Variants in NCOR1 observed in about 807,000 individuals in gnomAD.
The protein encoded by NCOR1 is nuclear receptor corepressor 1, also known as protein phosphatase 1, regulatory subunit 109.
In NCOR1, 63 loss-of-function variants were observed where a neutral mutation model predicts 288.1. The observed-to-expected ratio is 0.22, with a 90% CI of 0.18 to 0.27. The LOEUF (loss-of-function observed/expected upper bound fraction) is 0.27. Among genes scored for constraint, NCOR1 ranks in the 10% least tolerant of loss-of-function variants. The probability of loss-of-function intolerance (pLI) is 1.00; values close to 1 mark genes in which losing one functional copy is unlikely to be tolerated. For missense variants in NCOR1, 2,397 were observed against 3,019.2 expected (o/e 0.79, Z 4.83); for synonymous variants, 1,007 against 1,065.9 (o/e 0.94, Z 1.08).
At chr17:16,074,904 G>A (rs2062222622) in intron 27 of NCOR1, among the ~76,000 whole-genome samples, 1 of 152,114 alleles carries the variant, frequency 6.6e-6, no homozygotes, top group South Asian at 2.1e-4. Context: ...CTCTCGCTCT[G>A]TCGCCCAGGC....
intron 15 of NCOR1, among the ~76,000 whole-genome samples, chr17:16,123,269 A>G (rs891857034): frequency 2.6e-5 from 4 of 152,046 alleles, no homozygotes; most frequent in African/African-American, 9.7e-5. Flanking sequence ...CCCTCTTCCC[A>G]TACTTCCTAC....
At chr17:16,213,847 C>T (rs2092348960) in intron 1 of NCOR1, among the ~76,000 whole-genome samples, 1 of 151,960 alleles carries the variant, frequency 6.6e-6, no homozygotes, top group African/African-American at 2.4e-5. Context: ...ATATTTTCTC[C>T]GGGGGAGTAG....
intron 4 of NCOR1, among the ~76,000 whole-genome samples, chr17:16,168,799 C>T (rs1444386828): frequency 6.6e-6 from 1 of 151,820 alleles, no homozygotes; most frequent in Non-Finnish European, 1.5e-5. Flanking sequence ...GGTGAAACCT[C>T]GTCTCCACTA....
rs1340264678 is a variant in NCOR1 at position 16,039,258 on chromosome 17, A to AT, written c.6955+174dup. Reference sequence around the variant, plus strand: ...TTTCTTCCATTTTATTTCTGTTCATATTATAATGTCTGGGTAGGTTTTCAA... The same window carrying AT: ...TTTCTTCCATTTTATTTCTGTTCATATTTATAATGTCTGGGTAGGTTTTCAA... On this transcript the variant is annotated intron_variant, in intron 44 of 45. Transcript: ENST00000268712. 10 of 621,280 alleles carry AT rather than the reference A, an allele frequency of 1.6e-5. No homozygotes were observed. In the East Asian group the frequency reaches 2.8e-4, roughly 18 times the overall value. The allele number at this position is 621,280 out of a possible 1,614,324, so 38.5% of individuals were successfully genotyped here.
rs762513108 is a variant in NCOR1, at chr17:16,061,484, A to G, written c.5798T>C (p.Ile1933Thr). The change falls in exon 37 of 46, where the codon ATA (isoleucine) becomes ACA (threonine). Residue 1933 changes from isoleucine (I) to threonine (T), a missense_variant. Physicochemically the swap from Ile to Thr is moderately conservative, Grantham distance 89 (BLOSUM62 -1). Transcript: ENST00000268712. ...GKTTITAANF[I>T]DVIITRQIAS... ...AATTTGCCGGGTGATGATCACGTCTATGAAGTTAGCTGCAGTAATGGTAGT... is the reference window on the plus strand; with the variant it reads ...AATTTGCCGGGTGATGATCACGTCTGTGAAGTTAGCTGCAGTAATGGTAGT... 1.2e-6 allele frequency: 2 copies of G among 1,614,216 alleles called. No individual in the cohort carries two copies. The highest frequency in any genetic ancestry group is 1.7e-6 in the Non-Finnish European group (2 of 1,180,030).
rs1408885313 is a variant in NCOR1 at position 16,029,205 on chromosome 17, T to C, written c.*3091A>G. 1 of 453,930 alleles carries C rather than the reference T, an allele frequency of 2.2e-6. No homozygotes were observed. The highest frequency in any genetic ancestry group is 2.3e-5 in the Admixed American group (1 of 42,574). 28.1% of individuals were successfully genotyped at this position (453,930 alleles called of 1,614,324 possible). A position where few individuals can be genotyped will look rare whatever the true frequency, so the allele number is the denominator to read the frequency against. On this transcript the variant is annotated 3_prime_UTR_variant, in exon 46 of 46. Transcript: ENST00000268712. ...TTTATTAATTTTAAATCATCCACAG[T>C]GACTCAGCTCATGGTCTCGTTGTTG...
At chr17:16,152,151 T>C (rs1227355158) in intron 7 of NCOR1, among the ~76,000 whole-genome samples, 153 bp from the exon 8 acceptor site, 1 of 152,210 alleles carries the variant, frequency 6.6e-6, no homozygotes, top group Non-Finnish European at 1.5e-5. Flanking sequence ...TATTTTTTTA[T>C]TTACTTATTT....
rs529918224 is a variant in NCOR1 at position 16,212,338 on chromosome 17, AC to A, written c.-71+3023del. ...TTTGTGAATATAACTGATCTGCTCGACTATATTTTATAACTTTCTAGTATTT... is the reference window on the plus strand; with the variant it reads ...TTTGTGAATATAACTGATCTGCTCGATATATTTTATAACTTTCTAGTATTT... On this transcript the variant is annotated intron_variant, in intron 1 of 45. Transcript: ENST00000268712. 1.2e-4 allele frequency among the ~76,000 whole-genome samples: 18 copies of A among 152,334 alleles called. No individual in the cohort carries two copies. In the East Asian group the frequency reaches 3.5e-3, roughly 29 times the overall value.
chr17:16,172,545 TA>T (rs1258790732), intron 3 of NCOR1, among the ~76,000 whole-genome samples: 10 of 152,066 alleles, frequency 6.6e-5, no homozygotes, highest in Non-Finnish European at 1.5e-5. Flanking sequence ...CAACCAATAA[TA>T]AAAACAAGCA....
intron 3 of NCOR1, among the ~76,000 whole-genome samples, chr17:16,179,754 G>A (rs1039679544): frequency 1.3e-5 from 2 of 152,144 alleles, no homozygotes; most frequent in East Asian, 1.9e-4. Flanking sequence ...GGTGGCTCAC[G>A]CCTGTAATCC....
rs116430613 is a variant in NCOR1 at position 16,092,544 on chromosome 17, C to G, written c.2821-486G>C. Among the ~76,000 whole-genome samples the G allele has an allele frequency of 8.4e-3, 1,263 of 150,090 alleles. 22 individuals carry two copies. The highest frequency in any genetic ancestry group is 0.029 in the African/African-American group (1,198 of 40,700). ...AGCTGTAATAACAGAAATCAAAAAT[C>G]AGAAATTACAACACATCTGTCTGAT... is the stretch of plus-strand genomic sequence containing the variant. On this transcript the variant is annotated intron_variant, in intron 21 of 45. Transcript: ENST00000268712.
intron 37 of NCOR1, among the ~76,000 whole-genome samples, chr17:16,060,046 A>T (rs990903259): frequency 6.6e-6 from 1 of 152,238 alleles, no homozygotes; most frequent in African/African-American, 2.4e-5. Context: ...ACTCAGTAGA[A>T]AGTCGGAATC....
chr17:16,108,749 A>G (rs769362302), intron 19 of NCOR1, 37 bp downstream of exon 19: 2 of 1,555,438 alleles, frequency 1.3e-6, no homozygotes, highest in Non-Finnish European at 8.7e-7. Context: ...TATTCTGGAT[A>G]GCAGATGTCA....
rs566430698 is a variant in NCOR1, at chr17:16,127,299, A to G, written c.1510-1093T>C. Among the ~76,000 whole-genome samples, 35 of 100,666 alleles carry G rather than the reference A, an allele frequency of 3.5e-4. 8 individuals carry two copies. The highest frequency in any genetic ancestry group is 1.1e-3 in the African/African-American group (32 of 28,808). The allele number at this position is 100,666 out of a possible 152,430, so 66.0% of individuals were successfully genotyped here. On this transcript the variant is annotated intron_variant, in intron 14 of 45. Transcript: ENST00000268712. ...TATATATACGTGTATATATGTATGTATGTATATATACATGTATGTATATAT... is the reference window on the plus strand; with the variant it reads ...TATATATACGTGTATATATGTATGTGTGTATATATACATGTATGTATATAT...
rs1427770605 is a variant in NCOR1, at chr17:16,070,539, A to T, written c.4153-14T>A. The T allele has an allele frequency of 1.2e-6, 2 of 1,607,710 alleles. No individual in the cohort carries two copies. The highest frequency in any genetic ancestry group is 1.7e-6 in the Non-Finnish European group (2 of 1,176,318). On this transcript the variant is annotated splice_polypyrimidine_tract_variant and intron_variant, in intron 30 of 45. Coordinates refer to ENST00000268712, the MANE Select transcript of NCOR1 (RefSeq NM_006311.4). ...TATTGGTGTGCCCTAAAGGGAAAGAAACAAACATTACAGGTAGCAAAGTCA... is the reference window on the plus strand; with the variant it reads ...TATTGGTGTGCCCTAAAGGGAAAGATACAAACATTACAGGTAGCAAAGTCA...
At chr17:16,146,054 G>C (rs142468414) in intron 10 of NCOR1, among the ~76,000 whole-genome samples, 1,681 of 152,246 alleles carry the variant, frequency 0.011, 36 homozygotes, top group African/African-American at 0.038. Context: ...AATGGATTAA[G>C]GGCAGTGCAA....
chr17:16,116,048 C>A (rs112134374), intron 18 of NCOR1, among the ~76,000 whole-genome samples: 8 of 152,282 alleles, frequency 5.3e-5, no homozygotes, highest in African/African-American at 1.9e-4. Context: ...CAAGGAGGAG[C>A]AAGTAACATC....
intron 4 of NCOR1, among the ~76,000 whole-genome samples, chr17:16,170,825 A>G (rs1262858959): frequency 6.6e-6 from 1 of 150,580 alleles, no homozygotes. Flanking sequence ...TGGGGTACAG[A>G]GCGAGACTCC....
At chr17:16,052,098 T>G (rs1337633671) in intron 40 of NCOR1, among the ~76,000 whole-genome samples, 1 of 151,336 alleles carries the variant, frequency 6.6e-6, no homozygotes, top group African/African-American at 2.4e-5. Context: ...AAGCTCCGCC[T>G]CCCGGGTTCA....
Sources: gnomAD v4.1 joint callset for allele counts (sites outside exome capture counted in the v4.1 genomes callset) on GRCh38, gnomAD v4.1.1 for gene constraint, MANE v1.5 for transcripts, NCBI Gene and HGNC (gene_info 2026-07-23, HGNC 2026-07-21) for gene names.